Variants in IPO11 observed in about 807,000 individuals in gnomAD.
IPO11 encodes importin 11, also known as importin-11.
IPO11 carries 66 observed loss-of-function variants against 143.2 expected under a neutral mutation model. That is an observed-to-expected ratio of 0.46 (90% CI 0.38 to 0.57). IPO11 has a LOEUF of 0.57. Ranked by LOEUF, IPO11 falls within the 20% of genes least tolerant of loss-of-function variation. The probability of loss-of-function intolerance (pLI) is 0.00; values close to 1 mark genes in which losing one functional copy is unlikely to be tolerated. For synonymous variants in IPO11, 385 were observed against 377.8 expected, an observed-to-expected ratio of 1.02 and a Z score of -0.22; for missense variants, 1,026 against 1,141.0, an observed-to-expected ratio of 0.90 and a Z score of 1.45.
intron 3 of IPO11, among the ~76,000 whole-genome samples, chr5:62,445,775 A>G (rs538734916): frequency 1.3e-5 from 2 of 152,322 alleles, no homozygotes; most frequent in South Asian, 4.1e-4. Flanking sequence ...GATATATTAA[A>G]TAAATTTTTG....
At chr5:62,553,532 C>T (rs955378561) in intron 26 of IPO11, among the ~76,000 whole-genome samples, 14 of 152,066 alleles carry the variant, frequency 9.2e-5, no homozygotes, top group African/African-American at 2.9e-4. Context: ...CTGGATCATA[C>T]GATAGTTCAA....
At chr5:62,618,181 T>C (rs1221247456) in intron 29 of IPO11, among the ~76,000 whole-genome samples, 1 of 152,112 alleles carries the variant, frequency 6.6e-6, no homozygotes, top group Non-Finnish European at 1.5e-5. Flanking sequence ...TAAAACCAGG[T>C]ATTACACAAA....
chr5:62,444,723 G>T (rs532486818), intron 3 of IPO11, among the ~76,000 whole-genome samples: 3 of 152,058 alleles, frequency 2.0e-5, no homozygotes, highest in African/African-American at 7.2e-5. Flanking sequence ...ACAAAAATTA[G>T]CCAGGTGTGG....
At chr5:62,558,739 A>T (rs1227262686) in intron 26 of IPO11, among the ~76,000 whole-genome samples, 1 of 152,228 alleles carries the variant, frequency 6.6e-6, no homozygotes, top group Non-Finnish European at 1.5e-5. Context: ...GTGTAGTTTT[A>T]ATAGAATATT....
intron 29 of IPO11, among the ~76,000 whole-genome samples, chr5:62,623,005 G>C (rs1580401745): frequency 6.6e-6 from 1 of 152,180 alleles, no homozygotes; most frequent in African/African-American, 2.4e-5. Flanking sequence ...GATTAAGTGG[G>C]TTCTGATTGG....
At chr5:62,524,767 A>G (rs1018122400) in intron 20 of IPO11, among the ~76,000 whole-genome samples, 1 of 152,192 alleles carries the variant, frequency 6.6e-6, no homozygotes, top group Non-Finnish European at 1.5e-5. Flanking sequence ...TAAAATCCCA[A>G]CAATTGAACT....
chr5:62,561,292 A>AGTGGCTCACGCCTGTAATCCC, intron 27 of IPO11, 35 bp downstream of exon 27: 2 of 592,114 alleles, frequency 3.4e-6, no homozygotes, highest in South Asian at 3.0e-5. Context: ...TGTTTCTTTC[A>AGTGGCTCACGCCTGTAATCCC]AGCATCAAAA....
chr5:62,570,655 G>A (rs1290638402), intron 27 of IPO11, among the ~76,000 whole-genome samples: 2 of 152,172 alleles, frequency 1.3e-5, no homozygotes, highest in Non-Finnish European at 2.9e-5. Context: ...GACTATTTAG[G>A]AAAGTTTCTG....
intron 24 of IPO11, among the ~76,000 whole-genome samples, chr5:62,546,552 C>G (rs747972548): frequency 5.3e-5 from 8 of 151,918 alleles, no homozygotes; most frequent in Admixed American, 1.3e-4. Flanking sequence ...ACATATGTAA[C>G]AAACCTGCAC....
At chr5:62,583,309 C>G (rs920201691) in intron 27 of IPO11, among the ~76,000 whole-genome samples, 1 of 152,142 alleles carries the variant, frequency 6.6e-6, no homozygotes, top group African/African-American at 2.4e-5. Context: ...GCCTCCCTTC[C>G]TTACCACCTA....
chr5:62,499,663 C>T (rs901700049), intron 16 of IPO11, among the ~76,000 whole-genome samples: 25 of 147,452 alleles, frequency 1.7e-4, no homozygotes, highest in African/African-American at 6.2e-4. Context: ...GCAAGCTCTG[C>T]CTCCTGTAAC....
At chr5:62,444,198 C>A (rs554057051) in intron 3 of IPO11, among the ~76,000 whole-genome samples, 1 of 151,396 alleles carries the variant, frequency 6.6e-6, no homozygotes, top group Admixed American at 6.6e-5. Context: ...CGGGTTCAGG[C>A]CATTCTGCCT....
At chr5:62,615,491 T>G (rs1746095985) in intron 29 of IPO11, among the ~76,000 whole-genome samples, 1 of 152,226 alleles carries the variant, frequency 6.6e-6, no homozygotes, top group Non-Finnish European at 1.5e-5. Flanking sequence ...GGGCCTTGTA[T>G]GCCATAAGTG....
At chr5:62,463,035 A>G (rs1185777386) in intron 5 of IPO11, among the ~76,000 whole-genome samples, 2 of 152,032 alleles carry the variant, frequency 1.3e-5, no homozygotes. Context: ...ATGTGTATAT[A>G]TAAGAAAAAC....
chr5:62,455,359 A>G (rs972102304), intron 5 of IPO11, among the ~76,000 whole-genome samples: 2 of 152,126 alleles, frequency 1.3e-5, no homozygotes, highest in African/African-American at 4.8e-5. Flanking sequence ...GTCTGTACTA[A>G]AAATACAAAA....
At chr5:62,514,994 A>G (rs1166964475) in intron 19 of IPO11, among the ~76,000 whole-genome samples, 3 of 152,172 alleles carry the variant, frequency 2.0e-5, no homozygotes, top group African/African-American at 7.2e-5. Flanking sequence ...AGGGCCTGAA[A>G]CTTGGAAGAT....
intron 24 of IPO11, among the ~76,000 whole-genome samples, chr5:62,544,400 G>A (rs577948100): frequency 1.1e-4 from 17 of 151,262 alleles, no homozygotes; most frequent in African/African-American, 3.6e-4. Flanking sequence ...ACAAAATTCA[G>A]CCCTTCATGC....
chr5:62,488,834 C>G (rs557506832), intron 13 of IPO11, among the ~76,000 whole-genome samples: 2 of 152,128 alleles, frequency 1.3e-5, no homozygotes, highest in African/African-American at 2.4e-5. Flanking sequence ...AAAAACCTGT[C>G]GCTACAAAAA....
At position 62,623,636 on chromosome 5, in the gene IPO11, C is replaced by CT. The variant is rs1233741707; in HGVS notation, c.2764-3516dup. Among the ~76,000 whole-genome samples the CT allele has an allele frequency of 4.7e-5, 7 of 148,634 alleles. No homozygotes were observed. The South Asian group carries it at 1.5e-3, about 31-fold the overall frequency. On this transcript the variant is annotated intron_variant, in intron 29 of 29. Coordinates refer to ENST00000325324, the MANE Select transcript of IPO11 (RefSeq NM_016338.5). ...TCTATGGGTATTTCTTTCTTTCTTT[C>CT]TTCTTTTTCTTTTTTTTTTTTTTTT...
Sources: gnomAD v4.1 joint callset for allele counts (sites outside exome capture counted in the v4.1 genomes callset) on GRCh38, gnomAD v4.1.1 for gene constraint, MANE v1.5 for transcripts, NCBI Gene and HGNC (gene_info 2026-07-23, HGNC 2026-07-21) for gene names.